The following SGO1 variants were observed in gnomAD, a reference collection of about 807,000 sequenced individuals.
SGO1 encodes the protein shugoshin 1.
Under a neutral mutation model 50.5 loss-of-function variants are expected in SGO1, and 39 were observed. The observed-to-expected ratio is 0.77, with a 90% CI of 0.60 to 1.01. The LOEUF (loss-of-function observed/expected upper bound fraction) is 1.01, where lower values mean the gene tolerates loss of function less well. Among genes scored for constraint, SGO1 ranks in the 50% least tolerant of loss-of-function variants. SGO1 has a pLI of 0.00. For synonymous variants in SGO1, 191 were observed against 205.1 expected, an observed-to-expected ratio of 0.93 and a Z score of 0.59; for missense variants, 638 against 606.0, an observed-to-expected ratio of 1.05 and a Z score of -0.55.
chr3:20,180,396 T>C (rs995817943), intron 3 of SGO1, among the ~76,000 whole-genome samples: 2 of 152,158 alleles, frequency 1.3e-5, no homozygotes, highest in African/African-American at 4.8e-5. Flanking sequence ...AATGAGGAGA[T>C]AAAGAAATAT....
chr3:20,167,152 G>A (rs1353525650), downstream of SGO1, among the ~76,000 whole-genome samples: 1 of 152,104 alleles, frequency 6.6e-6, no homozygotes, highest in Non-Finnish European at 1.5e-5. Flanking sequence ...CTATGACAAA[G>A]CTAGGAATAT....
At chr3:20,179,026 G>C (rs1342489206) in intron 3 of SGO1, among the ~76,000 whole-genome samples, 1 of 152,190 alleles carries the variant, frequency 6.6e-6, no homozygotes, top group Non-Finnish European at 1.5e-5. Flanking sequence ...TATCAGCTAA[G>C]ATTAGAGTCA....
At chr3:20,186,397 C>G (rs1001138137), upstream of SGO1, 1 of 152,334 alleles carries the variant, frequency 6.6e-6, no homozygotes, top group African/African-American at 2.4e-5. Flanking sequence ...CTCGGCGACC[C>G]GCCGGGACTT....
exon 9 of SGO1, chr3:20,161,185 A>T: frequency 6.2e-7 from 1 of 1,610,188 alleles, no homozygotes; most frequent in Non-Finnish European, 8.5e-7. Flanking sequence ...ACATAATATA[A>T]AATAAAAATT....
upstream of SGO1, chr3:20,186,358 T>A (rs1280137117): frequency 6.6e-6 from 1 of 152,294 alleles, no homozygotes; most frequent in Non-Finnish European, 1.5e-5. Flanking sequence ...GGCATCCACC[T>A]GGCCCTGGGG....
chr3:20,164,451 T>G (rs942512396), intron 8 of SGO1, among the ~76,000 whole-genome samples: 4 of 152,078 alleles, frequency 2.6e-5, no homozygotes, highest in African/African-American at 9.7e-5. Context: ...CTGAGAAAGG[T>G]TATTAGTGAT....
chr3:20,176,672 C>A lies in SGO1; in HGVS notation c.417-13G>T. 1.3e-6 allele frequency: 2 copies of A among 1,509,374 alleles called. No homozygotes were observed. Among genetic ancestry groups the A allele is most frequent in the Non-Finnish European group, 8.9e-7 (1 of 1,117,972 alleles). The allele number at this position is 1,509,374 out of a possible 1,614,324, so 93.5% of individuals were successfully genotyped here. On this transcript the variant is annotated splice_polypyrimidine_tract_variant and intron_variant, in intron 4 of 7. Transcript: ENST00000412997. ...AAGAGGAATTTGCCTTAGAAAATAC[C>A]AATGAAAAACAGAAATTTAACAATT...
intron 6 of SGO1, among the ~76,000 whole-genome samples, chr3:20,173,032 A>T (rs899533679): frequency 3.9e-5 from 6 of 152,184 alleles, no homozygotes; most frequent in Non-Finnish European, 7.4e-5. Flanking sequence ...GTACACAAAG[A>T]TGGCAATAAC....
chr3:20,180,255 C>T (rs1701857618), intron 3 of SGO1, among the ~76,000 whole-genome samples: 1 of 152,080 alleles, frequency 6.6e-6, no homozygotes, highest in Non-Finnish European at 1.5e-5. Flanking sequence ...CACTGCACTT[C>T]AGTCTAGGCA....
chr3:20,182,373 C>T (rs942816397), intron 3 of SGO1, among the ~76,000 whole-genome samples: 5 of 150,656 alleles, frequency 3.3e-5, no homozygotes, highest in South Asian at 4.3e-4. Flanking sequence ...ACAATGTTCT[C>T]GCTTTCTTAT....
At chr3:20,181,231 T>C (rs1701986649) in intron 3 of SGO1, among the ~76,000 whole-genome samples, 1 of 152,186 alleles carries the variant, frequency 6.6e-6, no homozygotes, top group African/African-American at 2.4e-5. Flanking sequence ...CTAATATTAA[T>C]GCAGGTAAAT....
chr3:20,168,239 A>C (rs184655962), downstream of SGO1, among the ~76,000 whole-genome samples: 2 of 152,290 alleles, frequency 1.3e-5, no homozygotes, highest in Admixed American at 6.5e-5. Context: ...TCAGACCAGA[A>C]TGATCTTTAA....
chr3:20,177,870 T>C (rs77419836), intron 4 of SGO1, among the ~76,000 whole-genome samples: 2,506 of 150,490 alleles, frequency 0.017, 25 homozygotes, highest in Middle Eastern at 0.038. Context: ...CTGTGTTAAA[T>C]ATGATATTTT....
At position 20,178,268 on chromosome 3, in the gene SGO1, A is replaced by G; in HGVS notation, c.416+3T>C. 1 of 1,596,474 alleles carries G rather than the reference A, an allele frequency of 6.3e-7. No individual in the cohort carries two copies. The highest frequency in any genetic ancestry group is 8.6e-7 in the Non-Finnish European group (1 of 1,164,496). On this transcript the variant is annotated splice_donor_region_variant and intron_variant, in intron 4 of 7. Coordinates refer to ENST00000412997, the MANE Select transcript of SGO1 (RefSeq NM_001199251.3). ...TAATCATGATAAAGAATTTGATACT[A>G]ACGGTAAATCCTTCACAAATAAATT...
chr3:20,161,305 T>G, intron 8 of SGO1: 1 of 1,408,374 alleles, frequency 7.1e-7, no homozygotes, highest in Non-Finnish European at 9.3e-7. Context: ...GAAGGAAAAA[T>G]AAGTTCCATG....
rs199815268 is a variant in SGO1 at position 20,183,961 on chromosome 3, T to C, written c.67A>G (p.Lys23Glu). 265 of 1,612,714 alleles carry C rather than the reference T, an allele frequency of 1.6e-4. No homozygotes were observed. The highest frequency in any genetic ancestry group is 4.9e-4 in the Middle Eastern group (3 of 6,080). Residue 23 changes from lysine to glutamate, a missense_variant, in exon 2 of 8, where the codon AAA becomes GAA. Physicochemically the swap from Lys to Glu is moderately conservative, Grantham distance 56 (BLOSUM62 1). Transcript: ENST00000412997. The stretch of plus-strand genomic sequence containing the variant: ...GCCAAGTTTTTATTCCTTTTCTCTT[T>C]CATTCGCTTCTTTATGTCTTCAAGA... ...DSLEDIKKRM[K>E]EKRNKNLAEI...
intron 6 of SGO1, 113 bp downstream of exon 6, chr3:20,174,136 G>C: frequency 1.2e-6 from 1 of 840,128 alleles, no homozygotes; most frequent in Admixed American, 2.4e-5. Context: ...AGAGACAGAT[G>C]GTAAGTCTCC....
chr3:20,181,732 G>T (rs1331246725), intron 3 of SGO1, among the ~76,000 whole-genome samples: 2 of 152,086 alleles, frequency 1.3e-5, no homozygotes, highest in Admixed American at 6.6e-5. Flanking sequence ...CCTACTAGTT[G>T]ACTGAACAAG....
chr3:20,173,184 C>T (rs890539435), intron 6 of SGO1, among the ~76,000 whole-genome samples: 6 of 150,888 alleles, frequency 4.0e-5, no homozygotes, highest in African/African-American at 9.8e-5. Context: ...TAGGCTGGAG[C>T]GCAATGGCAT....
Sources: gnomAD v4.1 joint callset for allele counts (sites outside exome capture counted in the v4.1 genomes callset) on GRCh38, gnomAD v4.1.1 for gene constraint, MANE v1.5 for transcripts, NCBI Gene and HGNC (gene_info 2026-07-23, HGNC 2026-07-21) for gene names.